The following LIN7A variants were observed in gnomAD, a reference collection of about 807,000 sequenced individuals.
LIN7A encodes protein lin-7 homolog A.
Under a neutral mutation model 29.8 loss-of-function variants are expected in LIN7A, and 25 were observed. That is an observed-to-expected ratio of 0.84 (90% CI 0.61 to 1.17). The LOEUF (loss-of-function observed/expected upper bound fraction) is 1.17, where lower values mean the gene tolerates loss of function less well. LIN7A is among the 50% of genes most tolerant of loss of function. The pLI is 0.00. For synonymous variants in LIN7A, 118 were observed against 107.5 expected, an observed-to-expected ratio of 1.10 and a Z score of -0.60; for missense variants, 239 against 287.0, an observed-to-expected ratio of 0.83 and a Z score of 1.21.
Position 80,795,197 on chromosome 12 carries a change from T to C in LIN7A, c.*2530A>G, listed in dbSNP as rs1870391842. Reference sequence around the variant, plus strand: ...ATACAAGTTGTGGTAATTTCCTTCTTCTGGCTTCAGTGAAACTTAAGAGAA... The same window carrying C: ...ATACAAGTTGTGGTAATTTCCTTCTCCTGGCTTCAGTGAAACTTAAGAGAA... On this transcript the variant is annotated 3_prime_UTR_variant, in exon 6 of 6. Transcript: ENST00000552864. The C allele has an allele frequency of 6.6e-6, 1 of 152,178 alleles. No homozygotes were observed. The highest frequency in any genetic ancestry group is 1.5e-5 in the Non-Finnish European group (1 of 68,012). 9.4% of individuals were successfully genotyped at this position (152,178 alleles called of 1,614,324 possible).
Position 80,822,775 on chromosome 12 carries a change from C to T in LIN7A, c.484-11092G>A, listed in dbSNP as rs536003877. 2.8e-4 allele frequency among the ~76,000 whole-genome samples: 43 copies of T among 152,110 alleles called. 1 individual carries two copies. In the South Asian group the frequency reaches 7.7e-3, roughly 27 times the overall value. On this transcript the variant is annotated intron_variant, in intron 4 of 5. Coordinates refer to ENST00000552864, the MANE Select transcript of LIN7A (RefSeq NM_004664.4). The stretch of plus-strand genomic sequence containing the variant: ...TGTAGGTGTCTCTCAGCACAAAGAG[C>T]CAGGGTGCCATGGGCATCAAGGATG...
chr12:80,801,636 C>T (rs1870726291), intron 5 of LIN7A, among the ~76,000 whole-genome samples: 1 of 151,940 alleles, frequency 6.6e-6, no homozygotes, highest in African/African-American at 2.4e-5. Flanking sequence ...ATGATTAAAC[C>T]AGATAAAATA....
rs909197403 is a variant in LIN7A at position 80,795,296 on chromosome 12, C to T, written c.*2431G>A. On this transcript the variant is annotated 3_prime_UTR_variant, in exon 6 of 6. Transcript: ENST00000552864. ...AGGAAAAGACTTACATTTCAACCAA[C>T]AAGATTTTACTGAAGGAAAATGGTC... 1.3e-5 allele frequency: 2 copies of T among 152,034 alleles called. No homozygotes were observed. The highest frequency in any genetic ancestry group is 2.9e-5 in the Non-Finnish European group (2 of 67,980). 9.4% of individuals were successfully genotyped at this position (152,034 alleles called of 1,614,324 possible). A position where few individuals can be genotyped will look rare whatever the true frequency, so the allele number is the denominator to read the frequency against.
intron 1 of LIN7A, among the ~76,000 whole-genome samples, chr12:80,900,163 T>C (rs1185257568): frequency 2.6e-5 from 4 of 152,156 alleles, no homozygotes; most frequent in Non-Finnish European, 5.9e-5. Context: ...TCTTTTTTTA[T>C]TTATTGGTCT....
At chr12:80,931,401 G>A (rs1677469758) in intron 1 of LIN7A, among the ~76,000 whole-genome samples, 1 of 152,270 alleles carries the variant, frequency 6.6e-6, no homozygotes, top group South Asian at 2.1e-4. Flanking sequence ...AGCACTTTGG[G>A]AGGCTGAGGC....
chr12:80,897,328 C>T (rs1335379038), intron 1 of LIN7A, among the ~76,000 whole-genome samples: 1 of 152,114 alleles, frequency 6.6e-6, no homozygotes, highest in Non-Finnish European at 1.5e-5. Context: ...CCGACTATAG[C>T]CTTATTCCTA....
intron 1 of LIN7A, among the ~76,000 whole-genome samples, chr12:80,906,163 G>A (rs1469583859): frequency 6.6e-6 from 1 of 152,162 alleles, no homozygotes; most frequent in African/African-American, 2.4e-5. Context: ...AGGTGTGCAG[G>A]TGTCTAAAGA....
At chr12:80,869,872 C>T (rs1406209289) in intron 2 of LIN7A, among the ~76,000 whole-genome samples, 2 of 151,904 alleles carry the variant, frequency 1.3e-5, no homozygotes, top group Non-Finnish European at 1.5e-5. Flanking sequence ...AACAGTGTTG[C>T]ATGGAAACCT....
chr12:80,888,845 G>A (rs1049668718), intron 2 of LIN7A, among the ~76,000 whole-genome samples: 1 of 152,084 alleles, frequency 6.6e-6, no homozygotes, highest in Non-Finnish European at 1.5e-5. Flanking sequence ...AGACAGTAAT[G>A]TTTAGTCAGT....
At chr12:80,892,532 T>C (rs958337634) in intron 1 of LIN7A, among the ~76,000 whole-genome samples, 11 of 152,160 alleles carry the variant, frequency 7.2e-5, no homozygotes, top group African/African-American at 2.6e-4. Flanking sequence ...AATGATACTA[T>C]CCTGAATATT....
At chr12:80,803,840 T>C (rs1307823193) in intron 5 of LIN7A, among the ~76,000 whole-genome samples, 1 of 152,112 alleles carries the variant, frequency 6.6e-6, no homozygotes, top group Non-Finnish European at 1.5e-5. Context: ...TTAAAGGTAA[T>C]CGATAAGGGT....
At chr12:80,799,664 A>G (rs907034094) in intron 5 of LIN7A, among the ~76,000 whole-genome samples, 1 of 152,236 alleles carries the variant, frequency 6.6e-6, no homozygotes, top group African/African-American at 2.4e-5. Flanking sequence ...AAAATCAATC[A>G]TCTATGCTTC....
At chr12:80,801,426 T>C (rs569423321) in intron 5 of LIN7A, among the ~76,000 whole-genome samples, 124 of 152,298 alleles carry the variant, frequency 8.1e-4, no homozygotes, top group Non-Finnish European at 1.3e-3. Flanking sequence ...GCAATGAATT[T>C]TCCCCTAGAG....
At chr12:80,864,097 T>C (rs1168951723) in intron 2 of LIN7A, among the ~76,000 whole-genome samples, 1 of 152,146 alleles carries the variant, frequency 6.6e-6, no homozygotes. Flanking sequence ...TTTATATCTA[T>C]AGAAGTCTCA....
At chr12:80,820,768 A>G (rs1389292419) in intron 4 of LIN7A, among the ~76,000 whole-genome samples, 1 of 152,172 alleles carries the variant, frequency 6.6e-6, no homozygotes, top group Non-Finnish European at 1.5e-5. Flanking sequence ...CTAATTCTTG[A>G]GTGGTGGGTT....
chr12:80,842,278 G>T, intron 4 of LIN7A: 1 of 399,416 alleles, frequency 2.5e-6, no homozygotes, highest in Non-Finnish European at 3.8e-6. Context: ...TATTTAAAAA[G>T]TAAAGAAATT....
In LIN7A at chr12:80,846,747, A is replaced by T. The variant is rs114185079; in HGVS notation, c.274-808T>A. Among the ~76,000 whole-genome samples the T allele has an allele frequency of 9.1e-3, 1,393 of 152,318 alleles. 18 individuals are homozygous for T. The highest frequency in any genetic ancestry group is 0.025 in the African/African-American group (1,056 of 41,584). On this transcript the variant is annotated intron_variant, in intron 3 of 5. Transcript: ENST00000552864. Reference sequence around the variant, plus strand: ...TTTAATATGGACATAATTTGTTTTAAAATTCATGTACTGATTTCATTAAAT... The same window carrying T: ...TTTAATATGGACATAATTTGTTTTATAATTCATGTACTGATTTCATTAAAT...
intron 4 of LIN7A, among the ~76,000 whole-genome samples, chr12:80,823,035 A>G (rs568440365): frequency 1.9e-4 from 29 of 152,182 alleles, no homozygotes; most frequent in Non-Finnish European, 3.4e-4. Context: ...ACTCATGCAG[A>G]TGATGGGTCG....
At chr12:80,893,709 G>A (rs1875742495) in intron 1 of LIN7A, among the ~76,000 whole-genome samples, 1 of 152,304 alleles carries the variant, frequency 6.6e-6, no homozygotes, top group African/African-American at 2.4e-5. Flanking sequence ...AAGAAGGGAG[G>A]CTAGCATCTC....
Sources: allele counts gnomAD v4.1 joint callset (sites outside exome capture counted in the v4.1 genomes callset), GRCh38; gene constraint gnomAD v4.1.1; transcripts MANE v1.5; gene names NCBI Gene and HGNC (gene_info 2026-07-23, HGNC 2026-07-21).